Variants in SH3BP1 observed in about 807,000 individuals in gnomAD.
SH3BP1 encodes SH3 domain binding protein 1.
SH3BP1 carries 46 observed loss-of-function variants against 69.8 expected under a neutral mutation model. The ratio of observed to expected loss-of-function variants is 0.66; its 90% CI spans 0.52 to 0.84. SH3BP1 has a LOEUF of 0.84. SH3BP1 is among the 40% of genes least tolerant of loss of function. The pLI is 0.00. For missense variants in SH3BP1, 868 were observed against 930.9 expected (o/e 0.93, Z 0.88); for synonymous variants, 403 against 378.0 (o/e 1.07, Z -0.77).
intron 14 of SH3BP1, chr22:37,648,672 G>T (rs958476360): frequency 1.5e-5 from 7 of 468,570 alleles, no homozygotes; most frequent in Non-Finnish European, 2.3e-5. Context: ...TAGTGGCATG[G>T]GGGAGCTGGG....
intron 1 of SH3BP1, 163 bp from the exon 2 acceptor site, chr22:37,640,963 T>C (rs1482766628): frequency 4.7e-6 from 3 of 633,342 alleles, no homozygotes; most frequent in Middle Eastern, 4.1e-4. Context: ...GTGCTCCGAC[T>C]GGGATGAAGC....
chr22:37,649,614 T>A (rs1932841453), intron 14 of SH3BP1, among the ~76,000 whole-genome samples: 1 of 152,050 alleles, frequency 6.6e-6, no homozygotes, highest in Admixed American at 6.5e-5. Flanking sequence ...TGAAACTCCG[T>A]CTCTACTAAA....
At chr22:37,648,772 C>T (rs928011220) in intron 14 of SH3BP1, 3 of 200,224 alleles carry the variant, frequency 1.5e-5, no homozygotes, top group Non-Finnish European at 3.1e-5. Flanking sequence ...GGCGCAATCT[C>T]GGCTCACTGC....
At chr22:37,642,753 C>A in intron 4 of SH3BP1, 138 bp downstream of exon 4, 1 of 1,600,660 alleles carries the variant, frequency 6.2e-7, no homozygotes, top group Non-Finnish European at 8.5e-7. Flanking sequence ...TGAGGGTGGC[C>A]AGGCCTGGGA....
chr22:37,654,114 G>A (rs1932948736), intron 17 of SH3BP1, among the ~76,000 whole-genome samples: 1 of 152,184 alleles, frequency 6.6e-6, no homozygotes, highest in South Asian at 2.1e-4. Context: ...TTACCTTATG[G>A]GGCTGCATGG....
intron 17 of SH3BP1, among the ~76,000 whole-genome samples, chr22:37,654,571 CAAAAAAA>C (rs532974366): frequency 8.2e-6 from 1 of 122,584 alleles, no homozygotes; most frequent in Admixed American, 8.5e-5. Context: ...GACTCTGTCT[CAAAAAAA>C]AAAAAAGAAA....
chr22:37,646,668 C>T (rs1490200835), intron 10 of SH3BP1, 150 bp from the exon 11 acceptor site: 7 of 444,102 alleles, frequency 1.6e-5, no homozygotes, highest in African/African-American at 1.0e-4. Flanking sequence ...GGTTGAAGCC[C>T]GTGGACACCG....
Position 37,650,710 on chromosome 22 carries a change from C to T in SH3BP1, c.1583C>T (p.Ala528Val). The T allele has an allele frequency of 6.2e-7, 1 of 1,611,164 alleles. No individual in the cohort carries two copies. Among genetic ancestry groups the T allele is most frequent in the South Asian group, 1.1e-5 (1 of 90,686 alleles). ...APAPAPALAS[A>V]ATKERTESEV... The stretch of plus-strand genomic sequence containing the variant: ...GCTCCGGCCCCAGCCTTGGCTTCAG[C>T]AGCTACCAAGGAAAGGTGAGGACTG... Residue 528 changes from alanine (A) to valine (V), a missense_variant, in exon 16 of 18, where the codon GCA becomes GTA. Physicochemically the swap from Ala to Val is moderately conservative, Grantham distance 64 (BLOSUM62 0). Around this residue, in one of 3 missense-constraint regions of SH3BP1, gnomAD observed 474 missense variants for 462.3 expected, o/e 1.03. Transcript: ENST00000649765.
At chr22:37,643,915 C>CTGCTGGCTCCT in intron 7 of SH3BP1, 127 bp downstream of exon 7, 1 of 1,032,452 alleles carries the variant, frequency 9.7e-7, no homozygotes, top group Non-Finnish European at 1.4e-6. Context: ...GGCTAGGAGC[C>CTGCTGGCTCCT]AGCAGAGCTC....
chr22:37,651,459 A>G (rs1317471122), intron 16 of SH3BP1, among the ~76,000 whole-genome samples: 1 of 150,598 alleles, frequency 6.6e-6, no homozygotes, highest in Non-Finnish European at 1.5e-5. Flanking sequence ...CCTCCCGAAT[A>G]GCTGTGACTT....
Position 37,641,114 on chromosome 22 carries a change from C to CCA in SH3BP1, c.60-12_60-11insCA. ...GAAGCACTCTCCCCCCCCCCCCCAC[C>CCA]ACTCCCCGCAGCACCCCGGAGACCG... On this transcript the variant is annotated splice_polypyrimidine_tract_variant and intron_variant, in intron 1 of 17. Transcript: ENST00000649765. The CCA allele has an allele frequency of 2.1e-5, 29 of 1,358,124 alleles. No homozygotes were observed. The highest frequency in any genetic ancestry group is 2.6e-5 in the Non-Finnish European group (26 of 984,100). 84.1% of individuals were successfully genotyped at this position (1,358,124 alleles called of 1,614,324 possible).
At chr22:37,645,333 C>T (rs763830283) in intron 9 of SH3BP1, 32 bp from the exon 10 acceptor site, 34 of 1,585,472 alleles carry the variant, frequency 2.1e-5, no homozygotes, top group African/African-American at 2.7e-5. Context: ...GGTGGGAAGG[C>T]CCTGGGCCGC....
intron 6 of SH3BP1, chr22:37,643,416 C>A (rs1045373685): frequency 4.5e-6 from 3 of 671,758 alleles, no homozygotes; most frequent in Non-Finnish European, 7.5e-6. Flanking sequence ...AACAGTCCTG[C>A]GGCAGCCCTG....
At chr22:37,646,117 C>T (rs1374635559) in intron 10 of SH3BP1, among the ~76,000 whole-genome samples, 2 of 151,836 alleles carry the variant, frequency 1.3e-5, no homozygotes, top group Non-Finnish European at 2.9e-5. Flanking sequence ...CAGGCATGCA[C>T]CACCACGCCC....
chr22:37,641,682 C>A, intron 3 of SH3BP1: 1 of 551,162 alleles, frequency 1.8e-6, no homozygotes, highest in Non-Finnish European at 3.2e-6. Context: ...CCCTGTGCAC[C>A]AGTTCCCATA....
At chr22:37,640,926 T>C (rs1013950773) in intron 1 of SH3BP1, 200 bp from the exon 2 acceptor site, 2 of 597,018 alleles carry the variant, frequency 3.3e-6, no homozygotes, top group Non-Finnish European at 6.0e-6. Context: ...GAAAAACCCA[T>C]GTATCCTATT....
intron 16 of SH3BP1, 97 bp from the exon 17 acceptor site, chr22:37,653,682 G>A (rs1187667362): frequency 6.3e-6 from 5 of 794,702 alleles, no homozygotes; most frequent in African/African-American, 1.7e-5. Flanking sequence ...AGTGCTGGGA[G>A]GATCCGGACT....
chr22:37,643,288 G>C, intron 6 of SH3BP1, 114 bp downstream of exon 6: 2 of 930,362 alleles, frequency 2.1e-6, no homozygotes. Context: ...GCTGAGTACA[G>C]TGTGTGTACT....
At chr22:37,643,033 C>T (rs1932662167) in intron 5 of SH3BP1, 27 bp downstream of exon 5, 1 of 1,609,040 alleles carries the variant, frequency 6.2e-7, no homozygotes, top group Non-Finnish European at 8.5e-7. Flanking sequence ...CTTTCAGCCC[C>T]CAGCTTCCCC....
Sources: gnomAD v4.1 joint callset for allele counts (sites outside exome capture counted in the v4.1 genomes callset) on GRCh38, gnomAD v4.1.1 for gene constraint, gnomAD v4.1.1 regional missense constraint, MANE v1.5 for transcripts, NCBI Gene and HGNC (gene_info 2026-07-23, HGNC 2026-07-21) for gene names.